The following PDGFB variants were observed in gnomAD, a reference collection of about 807,000 sequenced individuals.
The protein encoded by PDGFB is platelet derived growth factor subunit B, also known as platelet-derived growth factor subunit B.
PDGFB carries 6 observed loss-of-function variants against 29.0 expected under a neutral mutation model. The observed-to-expected ratio is 0.21, with a 90% CI of 0.11 to 0.41. The LOEUF (loss-of-function observed/expected upper bound fraction) is 0.41, where lower values mean the gene tolerates loss of function less well. Among genes scored for constraint, PDGFB ranks in the 10% least tolerant of loss-of-function variants. The pLI, the probability that PDGFB is intolerant of heterozygous loss-of-function variation, is 1.00. For missense variants in PDGFB, 299 were observed against 341.8 expected (o/e 0.87, Z 0.99); for synonymous variants, 144 against 140.8 (o/e 1.02, Z -0.16).
At chr22:39,241,657 C>T (rs1448235717) in intron 1 of PDGFB, among the ~76,000 whole-genome samples, 1 of 152,212 alleles carries the variant, frequency 6.6e-6, no homozygotes, top group Admixed American at 6.5e-5. Context: ...CAGCTGTCAG[C>T]GGCCTCCCCG....
chr22:39,231,311 G>T lies in PDGFB; in HGVS notation c.456+311C>A, dbSNP rs1454045888. Among the ~76,000 whole-genome samples, 1 of 152,192 alleles carries T rather than the reference G, an allele frequency of 6.6e-6. No individual in the cohort carries two copies. Among genetic ancestry groups the T allele is most frequent in the East Asian group, 1.9e-4 (1 of 5,192 alleles). On this transcript the variant is annotated intron_variant, in intron 4 of 6. Transcript: ENST00000331163. The surrounding 1 kb of genome is among the most constrained non-coding windows in gnomAD (Gnocchi z 4.3). ...TCTTCAAGGGACGTTTTGCGATTTT[G>T]TCCTTGTAAAGGAGGTGACATCCCT...
chr22:39,238,537 C>T lies in PDGFB; in HGVS notation c.64-2663G>A, dbSNP rs1932498197. On this transcript the variant is annotated intron_variant, in intron 1 of 6. Coordinates refer to ENST00000331163, the MANE Select transcript of PDGFB (RefSeq NM_002608.4). ...CGTATAAACTACCAATCCTAAGAGG[C>T]TGGCAGTATTTGTATCCCCATCCTC... is the stretch of plus-strand genomic sequence containing the variant. Among the ~76,000 whole-genome samples, 5 of 152,196 alleles carry T rather than the reference C, an allele frequency of 3.3e-5. No homozygotes were observed. The South Asian group carries it at 1.0e-3, about 31-fold the overall frequency.
intron 1 of PDGFB, among the ~76,000 whole-genome samples, chr22:39,241,737 C>G (rs1344968591): frequency 1.3e-5 from 2 of 152,126 alleles, no homozygotes; most frequent in South Asian, 4.1e-4. Context: ...TTGCACACGC[C>G]AGGTCCCTCC....
intron 4 of PDGFB, 122 bp from the exon 5 acceptor site, chr22:39,230,350 A>G (rs1234178803): frequency 3.0e-5 from 29 of 975,038 alleles, no homozygotes; most frequent in Admixed American, 4.3e-5. Context: ...GAAAGCCCGG[A>G]GAGCAGGCTG....
At chr22:39,229,796 C>A (rs1932252034) in intron 5 of PDGFB, among the ~76,000 whole-genome samples, 1 of 152,180 alleles carries the variant, frequency 6.6e-6, no homozygotes, top group African/African-American at 2.4e-5. Context: ...TGTGCTAAAG[C>A]CTTGAGGCAG....
intron 1 of PDGFB, among the ~76,000 whole-genome samples, chr22:39,238,280 T>C (rs1932491849): frequency 6.6e-6 from 1 of 152,178 alleles, no homozygotes; most frequent in Admixed American, 6.5e-5. Flanking sequence ...CTGTCCAGTA[T>C]GATTCTTCTG....
chr22:39,238,439 C>A (rs71319025), intron 1 of PDGFB, among the ~76,000 whole-genome samples: 8,270 of 151,932 alleles, frequency 0.054, 331 homozygotes, highest in Non-Finnish European at 0.078. Flanking sequence ...ACCCATAAGC[C>A]CCCGGATTTG....
Position 39,225,705 on chromosome 22 carries a change from A to C in PDGFB, c.*18T>G, listed in dbSNP as rs748069691. ...CCGCCTGGCCCTCACCTGCCCACACACTCTCCTGCCGATGCCCCTAGGCTC... is the reference window on the plus strand; with the variant it reads ...CCGCCTGGCCCTCACCTGCCCACACCCTCTCCTGCCGATGCCCCTAGGCTC... On this transcript the variant is annotated 3_prime_UTR_variant, in exon 6 of 7. Coordinates refer to ENST00000331163, the MANE Select transcript of PDGFB (RefSeq NM_002608.4). 2 of 1,607,250 alleles carry C rather than the reference A, an allele frequency of 1.2e-6. No homozygotes were observed. Among genetic ancestry groups the C allele is most frequent in the Non-Finnish European group, 8.5e-7 (1 of 1,176,806 alleles).
Position 39,242,766 on chromosome 22 carries a change from C to T in PDGFB, c.63+1135G>A, listed in dbSNP as rs949202782. Among the ~76,000 whole-genome samples the T allele has an allele frequency of 2.0e-5, 3 of 152,100 alleles. No homozygotes were observed. Among genetic ancestry groups the T allele is most frequent in the Non-Finnish European group, 4.4e-5 (3 of 67,976 alleles). ...CCTTCCTGCGCCTGGCTGGAGGCCG[C>T]AGGGGCCGACCCTCCCCGGGAGCCG... On this transcript the variant is annotated intron_variant, in intron 1 of 6. Coordinates refer to ENST00000331163, the MANE Select transcript of PDGFB (RefSeq NM_002608.4). The surrounding 1 kb of genome is among the most constrained non-coding windows in gnomAD (Gnocchi z 5.7).
At chr22:39,238,004 T>A (rs1459803337) in intron 1 of PDGFB, among the ~76,000 whole-genome samples, 6 of 152,166 alleles carry the variant, frequency 3.9e-5, no homozygotes, top group Non-Finnish European at 7.4e-5. Context: ...CCCAAAGGCC[T>A]AGTAGCAAAT....
chr22:39,237,382 A>T lies in PDGFB; in HGVS notation c.64-1508T>A, dbSNP rs186897900. On this transcript the variant is annotated intron_variant, in intron 1 of 6. Transcript: ENST00000331163. ...GTCTTTGTTTGAACATGGAGCTTACAACTCCGCCCAATGTCTAAGGGCTGC... is the reference window on the plus strand; with the variant it reads ...GTCTTTGTTTGAACATGGAGCTTACTACTCCGCCCAATGTCTAAGGGCTGC... Among the ~76,000 whole-genome samples, 15 of 152,266 alleles carry T rather than the reference A, an allele frequency of 9.9e-5. 1 individual carries two copies. The highest frequency in any genetic ancestry group is 9.2e-4 in the Admixed American group (14 of 15,292).
chr22:39,226,862 T>A (rs1022774123), intron 5 of PDGFB, among the ~76,000 whole-genome samples: 1 of 152,210 alleles, frequency 6.6e-6, no homozygotes, highest in Non-Finnish European at 1.5e-5. Flanking sequence ...CAACTCAGGC[T>A]GAGGATCTGA....
chr22:39,225,694 C>A lies in PDGFB; in HGVS notation c.*28+1G>T. 1 of 1,607,614 alleles carries A rather than the reference C, an allele frequency of 6.2e-7. No homozygotes were observed. The highest frequency in any genetic ancestry group is 8.5e-7 in the Non-Finnish European group (1 of 1,175,934). ...CCTCAGTTGCCCCGCCTGGCCCTCA[C>A]CTGCCCACACACTCTCCTGCCGATG... On this transcript the variant is annotated splice_donor_variant, in intron 6 of 6. Coordinates refer to ENST00000331163, the MANE Select transcript of PDGFB (RefSeq NM_002608.4). LOFTEE classifies it low-confidence loss of function (3UTR_SPLICE).
Position 39,242,207 on chromosome 22 carries a change from G to A in PDGFB, c.63+1694C>T. ...ACGGGCGTGGCAGAGGCGGGCGCGC[G>A]ACCTGGCCGCGGTAGTGCGTGCCCG... On this transcript the variant is annotated intron_variant, in intron 1 of 6. Transcript: ENST00000331163. The surrounding 1 kb of genome is among the most constrained non-coding windows in gnomAD (Gnocchi z 5.7). 1 of 215,222 alleles carries A rather than the reference G, an allele frequency of 4.6e-6. No individual in the cohort carries two copies. Among genetic ancestry groups the A allele is most frequent in the Non-Finnish European group, 9.4e-6 (1 of 106,468 alleles). The allele number at this position is 215,222 out of a possible 1,614,324, so 13.3% of individuals were successfully genotyped here. A position where few individuals can be genotyped will look rare whatever the true frequency, so the allele number is the denominator to read the frequency against.
intron 4 of PDGFB, among the ~76,000 whole-genome samples, chr22:39,230,822 C>T (rs797000617): frequency 1.1e-4 from 16 of 152,340 alleles, no homozygotes; most frequent in African/African-American, 3.6e-4. Flanking sequence ...GGCAGAGCAT[C>T]GGGCAAGGGC....
chr22:39,240,804 A>G (rs751780182), intron 1 of PDGFB: 2 of 1,600,746 alleles, frequency 1.2e-6, no homozygotes, highest in South Asian at 2.2e-5. Context: ...TTGTCACAGA[A>G]GAGGCTCCTC....
At chr22:39,235,696 AG>A (rs1188080078) in intron 2 of PDGFB, 81 bp downstream of exon 2, 3 of 954,400 alleles carry the variant, frequency 3.1e-6, no homozygotes, top group Non-Finnish European at 3.3e-6. Flanking sequence ...GTCAAGAAGG[AG>A]GGATGCCTCC....
intron 6 of PDGFB, 93 bp from the exon 7 acceptor site, chr22:39,225,406 G>A (rs1932140789): frequency 4.0e-6 from 1 of 252,660 alleles, no homozygotes; most frequent in Non-Finnish European, 7.6e-6. Context: ...CAGGGAGCTG[G>A]GGTCAACTAG....
intron 1 of PDGFB, among the ~76,000 whole-genome samples, chr22:39,237,015 C>T (rs925129055): frequency 1.3e-5 from 2 of 152,136 alleles, no homozygotes; most frequent in Non-Finnish European, 2.9e-5. Context: ...GACTTCCCTT[C>T]TTGGTTCGCT....
Sources: allele counts gnomAD v4.1 joint callset (sites outside exome capture counted in the v4.1 genomes callset), GRCh38; gene constraint gnomAD v4.1.1; non-coding constraint Gnocchi (gnomAD v3.1); transcripts MANE v1.5; gene names NCBI Gene and HGNC (gene_info 2026-07-23, HGNC 2026-07-21).